Variants in FBXO38 observed in about 807,000 individuals in gnomAD.
The protein encoded by FBXO38 is F-box only protein 38.
FBXO38 carries 53 observed loss-of-function variants against 131.9 expected under a neutral mutation model. The ratio of observed to expected loss-of-function variants is 0.40; its 90% CI spans 0.32 to 0.51. The LOEUF is 0.51. Among genes scored for constraint, FBXO38 ranks in the 20% least tolerant of loss-of-function variants. The pLI is 0.53. For missense variants in FBXO38, 1,076 were observed against 1,475.6 expected, an observed-to-expected ratio of 0.73 and a Z score of 4.44; for synonymous variants, 452 against 505.6, an observed-to-expected ratio of 0.89 and a Z score of 1.42.
At chr5:148,394,977 TG>T (rs1229536993) in intron 2 of FBXO38, 73 bp downstream of exon 2, 1 of 1,361,256 alleles carries the variant, frequency 7.3e-7, no homozygotes, top group African/African-American at 1.5e-5. Context: ...CTGTCTAATG[TG>T]GTAGCTACCA....
chr5:148,421,344 G>C (rs1213939619), intron 12 of FBXO38, among the ~76,000 whole-genome samples: 1 of 152,012 alleles, frequency 6.6e-6, no homozygotes, highest in Non-Finnish European at 1.5e-5. Context: ...CACTGATTTT[G>C]TAAAATTTTT....
intron 16 of FBXO38, 21 bp downstream of exon 16, chr5:148,433,545 T>TA (rs748313357): frequency 1.9e-6 from 3 of 1,584,926 alleles, no homozygotes; most frequent in Admixed American, 1.7e-5. Flanking sequence ...AACCCTCACT[T>TA]ACCTTTATCA....
At chr5:148,416,132 T>TG in intron 11 of FBXO38, 62 bp downstream of exon 11, 1 of 1,432,490 alleles carries the variant, frequency 7.0e-7, no homozygotes, top group South Asian at 1.5e-5. Context: ...AAACAGCCTG[T>TG]GATTTTTTTT....
At chr5:148,433,998 C>T (rs1190776872) in intron 17 of FBXO38, 4 of 250,646 alleles carry the variant, frequency 1.6e-5, no homozygotes, top group Non-Finnish European at 2.3e-5. Flanking sequence ...GAGTAAATAA[C>T]AGCCTGCACA....
chr5:148,433,452 C>T lies in FBXO38; in HGVS notation c.2682C>T (p.Ala894=). 3 of 1,613,626 alleles carry T rather than the reference C, an allele frequency of 1.9e-6. No homozygotes were observed. The South Asian group carries it at 3.3e-5, about 18-fold the overall frequency. The change falls in exon 16 of 22, where the codon GCC becomes GCT. Residue 894 remains alanine (A), a synonymous_variant. Transcript: ENST00000340253. ...SEVAKTKPRH[A]MKRKRTADKS... is the part of the protein sequence containing the mutation. The stretch of plus-strand genomic sequence containing the variant: ...TAGCCAAAACAAAGCCACGTCACGC[C>T]ATGAAACGGAAGCGGACAGCAGATA...
chr5:148,416,443 A>T (rs1284385259), intron 11 of FBXO38, among the ~76,000 whole-genome samples: 1 of 152,182 alleles, frequency 6.6e-6, no homozygotes, highest in Non-Finnish European at 1.5e-5. Flanking sequence ...TCCAAAGTAT[A>T]AACAAGAATT....
chr5:148,395,944 T>TG (rs757390143), intron 2 of FBXO38, among the ~76,000 whole-genome samples: 6 of 152,184 alleles, frequency 3.9e-5, no homozygotes, highest in Non-Finnish European at 8.8e-5. Context: ...AGTTTACCTA[T>TG]GAAAAATTTC....
chr5:148,429,013 G>A (rs1306175862), intron 15 of FBXO38, among the ~76,000 whole-genome samples: 1 of 152,050 alleles, frequency 6.6e-6, no homozygotes, highest in Non-Finnish European at 1.5e-5. Context: ...AGTGTACAGT[G>A]TATAATTCAG....
intron 15 of FBXO38, 47 bp from the exon 16 acceptor site, chr5:148,433,377 G>A: frequency 7.2e-7 from 1 of 1,385,120 alleles, no homozygotes; most frequent in Non-Finnish European, 1.0e-6. Flanking sequence ...TTGAGGGAAA[G>A]AAAGCAAGGC....
intron 1 of FBXO38, among the ~76,000 whole-genome samples, chr5:148,389,175 C>G (rs1191506610): frequency 6.6e-6 from 1 of 152,098 alleles, no homozygotes; most frequent in African/African-American, 2.4e-5. Context: ...TTTGTGGTAC[C>G]TCCAAAACAA....
rs926737166 is a variant in FBXO38 at position 148,396,683 on chromosome 5, C to T, written c.128+1779C>T. Among the ~76,000 whole-genome samples the T allele has an allele frequency of 4.6e-5, 7 of 152,214 alleles. No individual in the cohort carries two copies. In the South Asian group the frequency reaches 1.5e-3, roughly 32 times the overall value. On this transcript the variant is annotated intron_variant, in intron 2 of 21. Coordinates refer to ENST00000340253, the MANE Select transcript of FBXO38 (RefSeq NM_205836.3). Reference sequence around the variant, plus strand: ...ACAGAGTCTCACTCTGGCTGGAGTGCAGGGTATGACCATGGCTCACTGCAA... The same window carrying T: ...ACAGAGTCTCACTCTGGCTGGAGTGTAGGGTATGACCATGGCTCACTGCAA...
At chr5:148,411,769 C>T (rs1407123140) in intron 9 of FBXO38, among the ~76,000 whole-genome samples, 1 of 152,036 alleles carries the variant, frequency 6.6e-6, no homozygotes, top group African/African-American at 2.4e-5. Flanking sequence ...CAGCTTTTCT[C>T]CAAAATAGCT....
chr5:148,439,944 G>A (rs1190591261), intron 19 of FBXO38, 152 bp downstream of exon 19: 3 of 722,824 alleles, frequency 4.2e-6, no homozygotes, highest in African/African-American at 1.8e-5. Flanking sequence ...AAGAAACTGA[G>A]GGAAATGAGG....
chr5:148,404,581 G>T (rs1042742524), intron 5 of FBXO38, 104 bp from the exon 6 acceptor site: 42 of 974,246 alleles, frequency 4.3e-5, no homozygotes, highest in Admixed American at 1.5e-4. Context: ...ATCCTTGAAG[G>T]TTAAGCTGTT....
intron 5 of FBXO38, among the ~76,000 whole-genome samples, chr5:148,403,546 C>A (rs1036509756): frequency 6.6e-6 from 1 of 152,132 alleles, no homozygotes; most frequent in Non-Finnish European, 1.5e-5. Flanking sequence ...TTTGTGACTT[C>A]TGCATCTTAC....
intron 15 of FBXO38, chr5:148,430,158 A>ATTTAT (rs1753955892): frequency 8.3e-6 from 1 of 120,560 alleles, no homozygotes; most frequent in African/African-American, 3.7e-5. Context: ...TATTATTATT[A>ATTTAT]TTTTTTTTTT....
intron 14 of FBXO38, 56 bp downstream of exon 14, chr5:148,425,757 A>G (rs1176848040): frequency 6.7e-7 from 1 of 1,493,940 alleles, no homozygotes; most frequent in African/African-American, 1.4e-5. Flanking sequence ...GAACTGACAC[A>G]CTTGGCCTTA....
At chr5:148,399,210 T>C (rs1175242532) in intron 3 of FBXO38, 78 bp downstream of exon 3, 12 of 1,537,902 alleles carry the variant, frequency 7.8e-6, no homozygotes, top group Non-Finnish European at 9.7e-6. Context: ...AAGTTACTTG[T>C]TGTCTTGAGA....
rs1293617168 is a variant in FBXO38 at position 148,438,467 on chromosome 5, A to G, written c.2993A>G (p.Asn998Ser). The change falls in exon 18 of 22, where the codon AAC (asparagine) becomes AGC (serine). Residue 998 changes from asparagine to serine, a missense_variant. Asn to Ser is a conservative substitution (Grantham distance 46, BLOSUM62 1). Around this residue, in one of 8 missense-constraint regions of FBXO38, gnomAD observed 282 missense variants for 418.8 expected, o/e 0.67. Transcript: ENST00000340253. ...DQILRMPPERNRIIYLRPMQQ... is the reference protein window; with the variant it reads ...DQILRMPPERSRIIYLRPMQQ... ...ATACTAAGAATGCCACCCGAGAGAA[A>G]CCGCATCATATACCTACGCCCAATG... The G allele has an allele frequency of 1.2e-6, 2 of 1,613,924 alleles. No individual in the cohort carries two copies. The highest frequency in any genetic ancestry group is 8.5e-7 in the Non-Finnish European group (1 of 1,179,872).
Sources: gnomAD v4.1 joint callset for allele counts (sites outside exome capture counted in the v4.1 genomes callset) on GRCh38, gnomAD v4.1.1 for gene constraint, gnomAD v4.1.1 regional missense constraint, MANE v1.5 for transcripts, NCBI Gene and HGNC (gene_info 2026-07-23, HGNC 2026-07-21) for gene names.